PSKH1: variants seen among roughly 807,000 people sequenced by gnomAD.
The protein encoded by PSKH1 is serine/threonine-protein kinase H1.
PSKH1 carries 12 observed loss-of-function variants against 26.7 expected under a neutral mutation model. The observed-to-expected ratio is 0.45, with a 90% CI of 0.29 to 0.73. The LOEUF (loss-of-function observed/expected upper bound fraction) is 0.73. PSKH1 is among the 30% of genes least tolerant of loss of function. The pLI, the probability that PSKH1 is intolerant of heterozygous loss-of-function variation, is 0.11. For missense variants in PSKH1, 431 were observed against 595.2 expected (o/e 0.72, Z 2.87); for synonymous variants, 213 against 234.3 (o/e 0.91, Z 0.83).
At chr16:67,924,070 C>T (rs933901540) in intron 2 of PSKH1, among the ~76,000 whole-genome samples, 3 of 152,242 alleles carry the variant, frequency 2.0e-5, no homozygotes, top group African/African-American at 7.2e-5. Flanking sequence ...CCCTGCCTCA[C>T]TGTCAGCTGG....
chr16:67,905,665 G>T (rs1045812692), intron 1 of PSKH1, among the ~76,000 whole-genome samples: 37 of 152,090 alleles, frequency 2.4e-4, no homozygotes, highest in Non-Finnish European at 1.9e-4. Context: ...TTGGAGACCA[G>T]CCTGGCCAAC....
In PSKH1 at chr16:67,927,671, G is replaced by A. The variant is rs1039059224; in HGVS notation, c.*29G>A. The A allele has an allele frequency of 2.5e-6, 4 of 1,570,262 alleles. No homozygotes were observed. Among genetic ancestry groups the A allele is most frequent in the Middle Eastern group, 1.8e-4 (1 of 5,712 alleles). On this transcript the variant is annotated 3_prime_UTR_variant, in exon 3 of 3. Transcript: ENST00000291041. The surrounding 1 kb of genome is among the most constrained non-coding windows in gnomAD (Gnocchi z 5.5). ...GCCTGGCTGTGCACACATGCAGCAC[G>A]ACCCAGCCTGGCCACACACTGTGGT...
Position 67,927,183 on chromosome 16 carries a change from G to A in PSKH1, c.958-142G>A, listed in dbSNP as rs1366875079. 1 of 816,196 alleles carries A rather than the reference G, an allele frequency of 1.2e-6. No homozygotes were observed. Among genetic ancestry groups the A allele is most frequent in the African/African-American group, 1.7e-5 (1 of 58,444 alleles). The allele number at this position is 816,196 out of a possible 1,614,324, so 50.6% of individuals were successfully genotyped here. ...CCCTTGTTCAGCCTGAGCCAGCGTT[G>A]GGCGGGGAGGCCCCAAGTGCTACAT... On this transcript the variant is annotated intron_variant, in intron 2 of 2. Coordinates refer to ENST00000291041, the MANE Select transcript of PSKH1 (RefSeq NM_006742.3). This position sits in a 1 kb window ranked among gnomAD's most constrained non-coding sequence, Gnocchi z 5.5.
rs552956838 is a variant in PSKH1, at chr16:67,905,224, C to A, written c.-70-3456C>A. On this transcript the variant is annotated intron_variant, in intron 1 of 2. Coordinates refer to ENST00000291041, the MANE Select transcript of PSKH1 (RefSeq NM_006742.3). ...ATGCCTCTTTTCTTGTAAACCCTTT[C>A]GTAGCTCTCCTTCACTTCCCAGGAA... 3.9e-5 allele frequency among the ~76,000 whole-genome samples: 6 copies of A among 152,276 alleles called. No homozygotes were observed. In the South Asian group the frequency reaches 1.2e-3, roughly 32 times the overall value.
At chr16:67,922,085 C>T (rs1173113703) in intron 2 of PSKH1, among the ~76,000 whole-genome samples, 1 of 151,980 alleles carries the variant, frequency 6.6e-6, no homozygotes, top group Non-Finnish European at 1.5e-5. Flanking sequence ...TTGCCCCTCA[C>T]CCGCCCTCTG....
intron 2 of PSKH1, among the ~76,000 whole-genome samples, chr16:67,911,072 C>T (rs1238532638): frequency 6.6e-6 from 1 of 152,180 alleles, no homozygotes; most frequent in Non-Finnish European, 1.5e-5. Context: ...CAGGAAGCAG[C>T]AAGCATGGCA....
In PSKH1 at chr16:67,927,820, CAGGTGTGACAGAG is replaced by C; in HGVS notation, c.*179_*191del. ...CCCTGTCCTCACCATGGGCCTGGGCCAGGTGTGACAGAGTAGAGGTAGCACAGGGGGCTGTGAC... is the reference window on the plus strand; with the variant it reads ...CCCTGTCCTCACCATGGGCCTGGGCCTAGAGGTAGCACAGGGGGCTGTGAC... On this transcript the variant is annotated 3_prime_UTR_variant, in exon 3 of 3. Coordinates refer to ENST00000291041, the MANE Select transcript of PSKH1 (RefSeq NM_006742.3). The surrounding 1 kb of genome is among the most constrained non-coding windows in gnomAD (Gnocchi z 5.5). The C allele has an allele frequency of 1.3e-6, 1 of 743,432 alleles. No individual in the cohort carries two copies. The highest frequency in any genetic ancestry group is 2.1e-6 in the Non-Finnish European group (1 of 469,170). 46.1% of individuals were successfully genotyped at this position (743,432 alleles called of 1,614,324 possible). A position where few individuals can be genotyped will look rare whatever the true frequency, so the allele number is the denominator to read the frequency against.
chr16:67,927,851 GCTGTGACTCCCCCT>G lies in PSKH1; in HGVS notation c.*210_*223del, dbSNP rs1219511146. ...TGACAGAGTAGAGGTAGCACAGGGG[GCTGTGACTCCCCCT>G]GAACTGGGAGCCTGGCCTGGCACTG... On this transcript the variant is annotated 3_prime_UTR_variant, in exon 3 of 3. Coordinates refer to ENST00000291041, the MANE Select transcript of PSKH1 (RefSeq NM_006742.3). This position sits in a 1 kb window ranked among gnomAD's most constrained non-coding sequence, Gnocchi z 5.5. 1.6e-6 allele frequency: 1 copy of G among 620,116 alleles called. No individual in the cohort carries two copies. The highest frequency in any genetic ancestry group is 2.7e-6 in the Non-Finnish European group (1 of 364,302). The allele number at this position is 620,116 out of a possible 1,614,324, so 38.4% of individuals were successfully genotyped here. A position where few individuals can be genotyped will look rare whatever the true frequency, so the allele number is the denominator to read the frequency against.
intron 1 of PSKH1, among the ~76,000 whole-genome samples, chr16:67,895,496 C>T (rs1255952089): frequency 6.6e-6 from 1 of 151,650 alleles, no homozygotes; most frequent in East Asian, 1.9e-4. Context: ...GCAACCTCCG[C>T]CTCCCAGGTT....
chr16:67,898,625 CTT>C (rs141319654), intron 1 of PSKH1, among the ~76,000 whole-genome samples: 32 of 138,970 alleles, frequency 2.3e-4, no homozygotes, highest in Admixed American at 3.6e-4. Context: ...TTCTTTCTTT[CTT>C]TTTTTTTTTT....
chr16:67,919,949 C>G (rs1421704416), intron 2 of PSKH1, among the ~76,000 whole-genome samples: 5 of 152,214 alleles, frequency 3.3e-5, no homozygotes, highest in Admixed American at 2.6e-4. Flanking sequence ...GCAGACCCAC[C>G]CGCCACGCTG....
rs1342043823 is a variant in PSKH1 at position 67,908,688 on chromosome 16, G to A, written c.-62G>A. On this transcript the variant is annotated 5_prime_UTR_variant, in exon 2 of 3. Coordinates refer to ENST00000291041, the MANE Select transcript of PSKH1 (RefSeq NM_006742.3). Reference sequence around the variant, plus strand: ...TCTCTCTTTGTGTGTAGGTGTAGACGGGGCACTGCCTTCAGAGCAGGTCCT... The same window carrying A: ...TCTCTCTTTGTGTGTAGGTGTAGACAGGGCACTGCCTTCAGAGCAGGTCCT... 7.9e-6 allele frequency: 11 copies of A among 1,398,458 alleles called. No homozygotes were observed. Among genetic ancestry groups the A allele is most frequent in the African/African-American group, 2.9e-5 (2 of 69,690 alleles). 86.6% of individuals were successfully genotyped at this position (1,398,458 alleles called of 1,614,324 possible).
At position 67,908,959 on chromosome 16, in the gene PSKH1, C is replaced by T. The variant is rs1417999141; in HGVS notation, c.210C>T (p.His70=). 2.5e-6 allele frequency: 4 copies of T among 1,613,966 alleles called. No homozygotes were observed. The highest frequency in any genetic ancestry group is 3.4e-6 in the Non-Finnish European group (4 of 1,179,888). The change falls in exon 2 of 3, where the codon CAC becomes CAT. Residue 70 remains histidine (H), a synonymous_variant. Coordinates refer to ENST00000291041, the MANE Select transcript of PSKH1 (RefSeq NM_006742.3). ...GCCCCGGTCCCCCGACTGCTGGCCA[C>T]ACGGAGCCTCCCTCAGAACCACCAC... ...HPCPGPPTAG[H]TEPPSEPPRR...
At chr16:67,914,877 C>T (rs780510433) in intron 2 of PSKH1, among the ~76,000 whole-genome samples, 2 of 152,076 alleles carry the variant, frequency 1.3e-5, no homozygotes, top group Admixed American at 6.6e-5. Context: ...TGAACTTAGC[C>T]CAGGAGTGAG....
chr16:67,912,683 A>G (rs1275062574), intron 2 of PSKH1, among the ~76,000 whole-genome samples: 1 of 152,160 alleles, frequency 6.6e-6, no homozygotes, highest in Non-Finnish European at 1.5e-5. Flanking sequence ...AGCCTGACCA[A>G]CATGGTGAAA....
intron 1 of PSKH1, among the ~76,000 whole-genome samples, chr16:67,894,025 C>T (rs2058119410): frequency 1.3e-5 from 2 of 152,222 alleles, no homozygotes; most frequent in African/African-American, 4.8e-5. Flanking sequence ...GCAAGGCATT[C>T]AGGGCTCTTC....
Position 67,927,714 on chromosome 16 carries a change from C to G in PSKH1, c.*72C>G. The G allele has an allele frequency of 1.4e-6, 2 of 1,480,320 alleles. No homozygotes were observed. Among genetic ancestry groups the G allele is most frequent in the Non-Finnish European group, 1.8e-6 (2 of 1,107,268 alleles). 91.7% of individuals were successfully genotyped at this position (1,480,320 alleles called of 1,614,324 possible). ...ACTGTGGTGCCATCTGGGTCCGATGCCCTCTCTGGAGATAGGCCTATGTGG... is the reference window on the plus strand; with the variant it reads ...ACTGTGGTGCCATCTGGGTCCGATGGCCTCTCTGGAGATAGGCCTATGTGG... On this transcript the variant is annotated 3_prime_UTR_variant, in exon 3 of 3. Transcript: ENST00000291041. This position sits in a 1 kb window ranked among gnomAD's most constrained non-coding sequence, Gnocchi z 5.5.
chr16:67,926,490 A>G (rs1209688750), intron 2 of PSKH1, among the ~76,000 whole-genome samples: 3 of 152,202 alleles, frequency 2.0e-5, no homozygotes, highest in Non-Finnish European at 4.4e-5. Flanking sequence ...AGTGTCCTTT[A>G]CCCTGAGAAC....
rs1459442799 is a variant in PSKH1 at position 67,927,195 on chromosome 16, C to T, written c.958-130C>T. ...CTGAGCCAGCGTTGGGCGGGGAGGC[C>T]CCAAGTGCTACATGAGAGGAGGGGC... On this transcript the variant is annotated intron_variant, in intron 2 of 2. Coordinates refer to ENST00000291041, the MANE Select transcript of PSKH1 (RefSeq NM_006742.3). The surrounding 1 kb of genome is among the most constrained non-coding windows in gnomAD (Gnocchi z 5.5). 8.4e-6 allele frequency: 8 copies of T among 948,668 alleles called. No individual in the cohort carries two copies. Among genetic ancestry groups the T allele is most frequent in the African/African-American group, 6.6e-5 (4 of 60,936 alleles). The allele number at this position is 948,668 out of a possible 1,614,324, so 58.8% of individuals were successfully genotyped here.
Sources: gnomAD v4.1 joint callset for allele counts (sites outside exome capture counted in the v4.1 genomes callset) on GRCh38, gnomAD v4.1.1 for gene constraint, Gnocchi (gnomAD v3.1) non-coding constraint, MANE v1.5 for transcripts, NCBI Gene and HGNC (gene_info 2026-07-23, HGNC 2026-07-21) for gene names.